SRRM4: variants seen among roughly 807,000 people sequenced by gnomAD.
The protein encoded by SRRM4 is serine/arginine repetitive matrix protein 4.
Under a neutral mutation model 68.9 loss-of-function variants are expected in SRRM4, and 33 were observed. That is an observed-to-expected ratio of 0.48 (90% CI 0.36 to 0.64). The LOEUF (loss-of-function observed/expected upper bound fraction) is 0.64, where lower values mean the gene tolerates loss of function less well. Among genes scored for constraint, SRRM4 ranks in the 30% least tolerant of loss-of-function variants. The pLI is 0.00. For missense variants in SRRM4, 817 were observed against 827.1 expected, an observed-to-expected ratio of 0.99 and a Z score of 0.15; for synonymous variants, 318 against 318.8, an observed-to-expected ratio of 1.00 and a Z score of 0.03.
chr12:119,143,530 G>C (rs945334619), intron 8 of SRRM4, among the ~76,000 whole-genome samples: 3 of 152,174 alleles, frequency 2.0e-5, no homozygotes, highest in Non-Finnish European at 2.9e-5. Context: ...CCATTTCAGA[G>C]TGCCAGGATA....
intron 1 of SRRM4, among the ~76,000 whole-genome samples, chr12:119,084,198 A>C (rs1953966493): frequency 6.6e-6 from 1 of 152,160 alleles, no homozygotes; most frequent in African/African-American, 2.4e-5. Flanking sequence ...CTGCTGTAGA[A>C]GGTGAATATT....
rs1954462214 is a variant in SRRM4, at chr12:119,154,759, C to A, written c.1532+376C>A. Among the ~76,000 whole-genome samples, 1 of 152,170 alleles carries A rather than the reference C, an allele frequency of 6.6e-6. No homozygotes were observed. Among genetic ancestry groups the A allele is most frequent in the Non-Finnish European group, 1.5e-5 (1 of 68,036 alleles). On this transcript the variant is annotated intron_variant, in intron 12 of 12. Transcript: ENST00000267260. The surrounding 1 kb of genome is among the most constrained non-coding windows in gnomAD (Gnocchi z 4.7). ...TGGAGGCCAAAGCAATGGAGCAGGACCTTGGCCTGGTGGTGGATCCCGAGC... is the reference window on the plus strand; with the variant it reads ...TGGAGGCCAAAGCAATGGAGCAGGAACTTGGCCTGGTGGTGGATCCCGAGC...
chr12:119,121,017 T>A (rs1954215894), intron 5 of SRRM4, among the ~76,000 whole-genome samples: 1 of 152,240 alleles, frequency 6.6e-6, no homozygotes, highest in African/African-American at 2.4e-5. Flanking sequence ...GTTGCCAATG[T>A]CCTCTGTCCA....
At chr12:119,024,580 C>A (rs1368489457) in intron 1 of SRRM4, among the ~76,000 whole-genome samples, 1 of 152,188 alleles carries the variant, frequency 6.6e-6, no homozygotes, top group Non-Finnish European at 1.5e-5. Context: ...TCCTGGGTGC[C>A]CCCTCCCCTA....
intron 1 of SRRM4, among the ~76,000 whole-genome samples, chr12:119,027,315 C>G (rs1953555087): frequency 6.6e-6 from 1 of 152,200 alleles, no homozygotes; most frequent in South Asian, 2.1e-4. Flanking sequence ...AGTATCACCC[C>G]TGTTTTATAG....
At chr12:119,075,916 G>GGTGATGAAA (rs199880492) in intron 1 of SRRM4, among the ~76,000 whole-genome samples, 5 of 21,900 alleles carry the variant, frequency 2.3e-4, no homozygotes, top group Non-Finnish European at 7.8e-4. Context: ...TGGTGATGAT[G>GGTGATGAAA]ATGATGATGG....
intron 1 of SRRM4, chr12:119,000,686 T>C (rs145820957): frequency 1.6e-4 from 25 of 152,358 alleles, no homozygotes; most frequent in East Asian, 1.2e-3. Context: ...CATCTAGCCA[T>C]GCACAGCCCT....
At chr12:119,043,809 A>ACACACACACACACACACACAC (rs1555215467) in intron 1 of SRRM4, among the ~76,000 whole-genome samples, 7 of 57,248 alleles carry the variant, frequency 1.2e-4, no homozygotes, top group Non-Finnish European at 3.2e-4. Context: ...CACACACACA[A>ACACACACACACACACACACAC]GTCTTGGGCA....
intron 1 of SRRM4, among the ~76,000 whole-genome samples, chr12:119,074,853 CACTA>C (rs1953898939): frequency 6.6e-6 from 1 of 152,220 alleles, no homozygotes; most frequent in Admixed American, 6.5e-5. Flanking sequence ...ACATATGACA[CACTA>C]ACTACAAGGC....
At chr12:119,028,770 G>A (rs2136005028) in intron 1 of SRRM4, among the ~76,000 whole-genome samples, 1 of 152,292 alleles carries the variant, frequency 6.6e-6, no homozygotes, top group Middle Eastern at 3.4e-3. Context: ...CGGGAGGAGA[G>A]ACAACAGTGG....
At chr12:119,092,553 A>C (rs1222903738) in intron 1 of SRRM4, among the ~76,000 whole-genome samples, 3 of 151,404 alleles carry the variant, frequency 2.0e-5, no homozygotes, top group Non-Finnish European at 4.4e-5. Context: ...TCTCTTTCAC[A>C]CTCCATAGCC....
At chr12:119,048,727 G>A (rs1953723099) in intron 1 of SRRM4, among the ~76,000 whole-genome samples, 1 of 152,096 alleles carries the variant, frequency 6.6e-6, no homozygotes, top group South Asian at 2.1e-4. Flanking sequence ...GAGTTCAAGA[G>A]CAGCCTGGCC....
chr12:119,156,944 T>G lies in SRRM4; in HGVS notation c.*146T>G. 1 of 1,029,844 alleles carries G rather than the reference T, an allele frequency of 9.7e-7. No homozygotes were observed. The highest frequency in any genetic ancestry group is 1.4e-6 in the Non-Finnish European group (1 of 731,062). 63.8% of individuals were successfully genotyped at this position (1,029,844 alleles called of 1,614,324 possible). A position where few individuals can be genotyped will look rare whatever the true frequency, so the allele number is the denominator to read the frequency against. ...TGCCTAGGGGAAGAGGAGAAGAGGG[T>G]AAGGGGGCTTCACTCTCTAGATCAG... On this transcript the variant is annotated 3_prime_UTR_variant, in exon 13 of 13. Transcript: ENST00000267260.
chr12:119,123,066 T>A (rs1373572153), intron 6 of SRRM4, among the ~76,000 whole-genome samples: 2 of 152,214 alleles, frequency 1.3e-5, no homozygotes, highest in African/African-American at 4.8e-5. Flanking sequence ...TCCAATCAAC[T>A]AATATTTTAT....
chr12:119,143,912 C>T (rs906173378), intron 8 of SRRM4, among the ~76,000 whole-genome samples: 19 of 152,050 alleles, frequency 1.2e-4, no homozygotes, highest in African/African-American at 3.9e-4. Context: ...TGGAGAAGGC[C>T]CAGGGCAGGG....
intron 4 of SRRM4, among the ~76,000 whole-genome samples, chr12:119,119,783 A>G (rs1182178252): frequency 6.6e-6 from 1 of 152,034 alleles, no homozygotes; most frequent in Non-Finnish European, 1.5e-5. Flanking sequence ...AGGAATGCAC[A>G]ACAAGGGAGA....
At chr12:118,982,843 G>A (rs1265395816) in intron 1 of SRRM4, among the ~76,000 whole-genome samples, 1 of 151,942 alleles carries the variant, frequency 6.6e-6, no homozygotes, top group Non-Finnish European at 1.5e-5. Context: ...GAGGTTGGGG[G>A]AAAATGGAAG....
chr12:119,135,088 T>C (rs1954319918), intron 8 of SRRM4, among the ~76,000 whole-genome samples: 1 of 152,192 alleles, frequency 6.6e-6, no homozygotes. Context: ...CCTAGGAATG[T>C]AACAAAATTG....
At chr12:119,109,065 T>C (rs184604283) in intron 2 of SRRM4, among the ~76,000 whole-genome samples, 103 of 152,268 alleles carry the variant, frequency 6.8e-4, no homozygotes, top group African/African-American at 2.3e-3. Context: ...GGATTTTATT[T>C]CTCCTTCACT....
Sources: allele counts gnomAD v4.1 joint callset (sites outside exome capture counted in the v4.1 genomes callset), GRCh38; gene constraint gnomAD v4.1.1; non-coding constraint Gnocchi (gnomAD v3.1); transcripts MANE v1.5; gene names NCBI Gene and HGNC (gene_info 2026-07-23, HGNC 2026-07-21).